Variants in NOS1AP observed in about 807,000 individuals in gnomAD.
NOS1AP encodes nitric oxide synthase 1 adaptor protein, also known as carboxyl-terminal PDZ ligand of neuronal nitric oxide synthase protein.
Under a neutral mutation model 56.2 loss-of-function variants are expected in NOS1AP, and 21 were observed. The observed-to-expected ratio is 0.37, with a 90% CI of 0.26 to 0.54. The LOEUF is 0.54. Among genes scored for constraint, NOS1AP ranks in the 20% least tolerant of loss-of-function variants. The pLI, the probability that NOS1AP is intolerant of heterozygous loss-of-function variation, is 0.84. For missense variants in NOS1AP, 522 were observed against 657.8 expected (o/e 0.79, Z 2.26); for synonymous variants, 270 against 274.6 (o/e 0.98, Z 0.17).
At chr1:162,166,224 CCACA>C (rs1208642980) in intron 2 of NOS1AP, among the ~76,000 whole-genome samples, 1 of 152,260 alleles carries the variant, frequency 6.6e-6, no homozygotes, top group Non-Finnish European at 1.5e-5. Context: ...CCACCATCCT[CCACA>C]CTGCTGCCTG....
chr1:162,228,626 G>A (rs536194712), intron 2 of NOS1AP, among the ~76,000 whole-genome samples: 1 of 152,190 alleles, frequency 6.6e-6, no homozygotes, highest in Non-Finnish European at 1.5e-5. Context: ...GGGCAAGCTG[G>A]CAATAGACCA....
At chr1:162,146,278 C>T (rs1397069494) in intron 1 of NOS1AP, among the ~76,000 whole-genome samples, 1 of 152,120 alleles carries the variant, frequency 6.6e-6, no homozygotes, top group Middle Eastern at 3.2e-3. Context: ...GTCATAAATC[C>T]TAAATCTGCC....
chr1:162,326,212 G>A (rs560857901), intron 4 of NOS1AP, among the ~76,000 whole-genome samples: 48 of 152,192 alleles, frequency 3.2e-4, no homozygotes, highest in Non-Finnish European at 2.9e-4. Flanking sequence ...AGAGAATTGC[G>A]TGGCAGGTCC....
intron 2 of NOS1AP, among the ~76,000 whole-genome samples, chr1:162,177,041 A>G (rs7523798): frequency 0.52 from 79,414 of 152,028 alleles, 22,713 homozygotes; most frequent in East Asian, 0.76. Context: ...TACCTGGACA[A>G]TGTCAGCACA....
At chr1:162,075,678 A>T (rs924320806) in intron 1 of NOS1AP, among the ~76,000 whole-genome samples, 2 of 152,034 alleles carry the variant, frequency 1.3e-5, no homozygotes, top group African/African-American at 2.4e-5. Flanking sequence ...TAAGGGTCTG[A>T]TGTATTTTCT....
intron 1 of NOS1AP, among the ~76,000 whole-genome samples, chr1:162,139,148 C>G (rs1042342430): frequency 2.6e-5 from 4 of 152,062 alleles, no homozygotes; most frequent in African/African-American, 9.7e-5. Flanking sequence ...CTTAGCCCAT[C>G]CCGGGTTTTG....
In NOS1AP at chr1:162,196,986, G is replaced by A. The variant is rs140117364; in HGVS notation, c.177+42510G>A. ...CAGCTGTAACTAAATGAGAAATTAC[G>A]AGGAGTGGTTCGAATAGAGTTTGTC... On this transcript the variant is annotated intron_variant, in intron 2 of 9. Transcript: ENST00000361897. 1.5e-3 allele frequency among the ~76,000 whole-genome samples: 224 copies of A among 152,214 alleles called. 2 individuals carry two copies. In the East Asian group the frequency reaches 0.034, roughly 23 times the overall value.
chr1:162,070,357 C>G, intron 1 of NOS1AP, 75 bp downstream of exon 1: 4 of 1,241,132 alleles, frequency 3.2e-6, no homozygotes, highest in Non-Finnish European at 4.7e-6. Context: ...GGATGCACAG[C>G]CGTCCTGGAC....
intron 9 of NOS1AP, among the ~76,000 whole-genome samples, chr1:162,366,268 T>C (rs923085836): frequency 2.6e-5 from 4 of 152,192 alleles, no homozygotes; most frequent in Non-Finnish European, 5.9e-5. Context: ...CAAATAGCCA[T>C]TGATCACATA....
intron 2 of NOS1AP, among the ~76,000 whole-genome samples, chr1:162,174,666 T>A (rs1650976801): frequency 6.6e-6 from 1 of 152,220 alleles, no homozygotes; most frequent in African/African-American, 2.4e-5. Context: ...AACACCCAAC[T>A]TCCCCTATTA....
intron 1 of NOS1AP, among the ~76,000 whole-genome samples, chr1:162,105,956 C>G (rs1647490717): frequency 6.6e-6 from 1 of 152,190 alleles, no homozygotes; most frequent in East Asian, 1.9e-4. Flanking sequence ...AGCCCCCTTC[C>G]TAGGGACATG....
At position 162,307,983 on chromosome 1, in the gene NOS1AP, G is replaced by C. The variant is rs78962238; in HGVS notation, c.344+7277G>C. On this transcript the variant is annotated intron_variant, in intron 4 of 9. Transcript: ENST00000361897. Reference sequence around the variant, plus strand: ...TTGTTGTTCATTGTGCTAGGCACTAGGGGAAACAGTGGTATGTCAGCCTGG... The same window carrying C: ...TTGTTGTTCATTGTGCTAGGCACTACGGGAAACAGTGGTATGTCAGCCTGG... Among the ~76,000 whole-genome samples, 227 of 152,304 alleles carry C rather than the reference G, an allele frequency of 1.5e-3. 5 individuals carry two copies. The East Asian group carries it at 0.039, about 26-fold the overall frequency.
rs576088565 is a variant in NOS1AP at position 162,186,322 on chromosome 1, A to G, written c.177+31846A>G. On this transcript the variant is annotated intron_variant, in intron 2 of 9. Coordinates refer to ENST00000361897, the MANE Select transcript of NOS1AP (RefSeq NM_014697.3). ...CCACAGTGCATTTAATTATTGTTAAACAGTAATTTCTGTTTTTTTTAATGT... is the reference window on the plus strand; with the variant it reads ...CCACAGTGCATTTAATTATTGTTAAGCAGTAATTTCTGTTTTTTTTAATGT... Among the ~76,000 whole-genome samples the G allele has an allele frequency of 2.6e-5, 4 of 152,194 alleles. No individual in the cohort carries two copies. In the South Asian group the frequency reaches 8.3e-4, roughly 32 times the overall value.
chr1:162,345,062 A>G (rs1355440699), intron 6 of NOS1AP, among the ~76,000 whole-genome samples: 1 of 152,176 alleles, frequency 6.6e-6, no homozygotes, highest in East Asian at 1.9e-4. Flanking sequence ...AAGGCATGCC[A>G]TATTCTTGGA....
intron 1 of NOS1AP, among the ~76,000 whole-genome samples, chr1:162,095,128 TG>T (rs1692210972): frequency 6.6e-6 from 1 of 152,210 alleles, no homozygotes; most frequent in African/African-American, 2.4e-5. Flanking sequence ...TAGTGAGGAT[TG>T]ATCAGTGACT....
At chr1:162,365,812 C>T (rs1658068125) in intron 9 of NOS1AP, among the ~76,000 whole-genome samples, 1 of 152,152 alleles carries the variant, frequency 6.6e-6, no homozygotes, top group African/African-American at 2.4e-5. Flanking sequence ...TCCCCGGAGT[C>T]ACTGCTATGT....
intron 4 of NOS1AP, among the ~76,000 whole-genome samples, chr1:162,331,761 A>G (rs976006654): frequency 1.4e-4 from 22 of 152,222 alleles, no homozygotes; most frequent in African/African-American, 5.1e-4. Context: ...TGGACTGCCC[A>G]AAACTAATTC....
At chr1:162,133,585 A>G (rs1648850394) in intron 1 of NOS1AP, among the ~76,000 whole-genome samples, 1 of 152,254 alleles carries the variant, frequency 6.6e-6, no homozygotes, top group South Asian at 2.1e-4. Flanking sequence ...TATCCCTTTT[A>G]CATGATAGAT....
chr1:162,296,153 G>T (rs1655451544), intron 3 of NOS1AP, among the ~76,000 whole-genome samples: 1 of 152,084 alleles, frequency 6.6e-6, no homozygotes, highest in Non-Finnish European at 1.5e-5. Flanking sequence ...TGGGCATGGT[G>T]GTGAGTGCCT....
Sources: allele counts gnomAD v4.1 joint callset (sites outside exome capture counted in the v4.1 genomes callset), GRCh38; gene constraint gnomAD v4.1.1; transcripts MANE v1.5; gene names NCBI Gene and HGNC (gene_info 2026-07-23, HGNC 2026-07-21).